The following SLC16A4 variants were observed in gnomAD, a reference collection of about 807,000 sequenced individuals.
SLC16A4 encodes the protein solute carrier family 16 member 4.
A neutral mutation model predicts 47.9 loss-of-function variants in SLC16A4; 39 were observed. The ratio of observed to expected loss-of-function variants is 0.81; its 90% CI spans 0.63 to 1.06. The LOEUF (loss-of-function observed/expected upper bound fraction) is 1.06, where lower values mean the gene tolerates loss of function less well. SLC16A4 is among the 50% of genes least tolerant of loss of function. The pLI is 0.00. For synonymous variants in SLC16A4, 189 were observed against 199.9 expected, an observed-to-expected ratio of 0.95 and a Z score of 0.46; for missense variants, 524 against 573.8, an observed-to-expected ratio of 0.91 and a Z score of 0.89.
Position 110,376,985 on chromosome 1 carries a change from C to T in SLC16A4, c.1207G>A (p.Ala403Thr), listed in dbSNP as rs1224227217. The change falls in exon 7 of 9, where the codon GCT becomes ACT. Residue 403 changes from alanine to threonine, a missense_variant. Transcript: ENST00000369779. ...AGTATCAATGCCAGGTAACCACCAG[C>T]AAAGATGGCAAAGCAGATGGTGTAG... Reference protein sequence around the residue: ...MTYTICFAIFAGGYLALILPV... With the variant: ...MTYTICFAIFTGGYLALILPV... The T allele has an allele frequency of 1.9e-6, 3 of 1,613,894 alleles. No individual in the cohort carries two copies. Among genetic ancestry groups the T allele is most frequent in the Non-Finnish European group, 2.5e-6 (3 of 1,179,960 alleles).
intron 3 of SLC16A4, among the ~76,000 whole-genome samples, chr1:110,382,551 C>T (rs1662465332): frequency 6.6e-6 from 1 of 152,092 alleles, no homozygotes. Flanking sequence ...ACTCATTGAA[C>T]CTATATTAAG....
In SLC16A4 at chr1:110,389,331, C is replaced by G. The variant is rs1166329523; in HGVS notation, c.-8G>C. 6.3e-7 allele frequency: 1 copy of G among 1,599,162 alleles called. No homozygotes were observed. Among genetic ancestry groups the G allele is most frequent in the African/African-American group, 1.3e-5 (1 of 74,612 alleles). On this transcript the variant is annotated 5_prime_UTR_variant, in exon 2 of 9. Transcript: ENST00000369779. Reference sequence around the variant, plus strand: ...CCCCTCCCTCTTCAGCATGATGCCTCTTCTATTTTAAATGCAGAAGATCCC... The same window carrying G: ...CCCCTCCCTCTTCAGCATGATGCCTGTTCTATTTTAAATGCAGAAGATCCC...
chr1:110,380,527 T>C (rs1276311770), intron 5 of SLC16A4, among the ~76,000 whole-genome samples: 1 of 152,008 alleles, frequency 6.6e-6, no homozygotes, highest in African/African-American at 2.4e-5. Context: ...AAAGTATTTG[T>C]TTCTTTTTTA....
intron 5 of SLC16A4, among the ~76,000 whole-genome samples, chr1:110,380,073 A>AAAAAAAAAAAAAAAAAAAAAAAAAAAAAG (rs56111977): frequency 6.7e-6 from 1 of 150,368 alleles, no homozygotes; most frequent in South Asian, 2.1e-4. Flanking sequence ...AAAAAAAAAA[A>AAAAAAAAAAAAAAAAAAAAAAAAAAAAAG]GCAGCGGGAG....
chr1:110,364,691 A>G (rs1403604104), intron 8 of SLC16A4, among the ~76,000 whole-genome samples: 1 of 151,834 alleles, frequency 6.6e-6, no homozygotes, highest in East Asian at 1.9e-4. Flanking sequence ...TTGTGTTTTT[A>G]GTAGAGACGG....
At chr1:110,387,383 T>G (rs1442975549) in intron 2 of SLC16A4, among the ~76,000 whole-genome samples, 1 of 152,184 alleles carries the variant, frequency 6.6e-6, no homozygotes, top group South Asian at 2.1e-4. Flanking sequence ...CAAAGAACAT[T>G]GTTATTTTTC....
At chr1:110,364,089 T>C (rs1485254337) in intron 8 of SLC16A4, among the ~76,000 whole-genome samples, 196 bp from the exon 9 acceptor site, 1 of 152,180 alleles carries the variant, frequency 6.6e-6, no homozygotes, top group African/African-American at 2.4e-5. Flanking sequence ...CCATCTCCAA[T>C]CTTACAGTGG....
chr1:110,363,822 A>G lies in SLC16A4; in HGVS notation c.1408T>C (p.Ser470Pro). Residue 470 changes from serine (S) to proline (P), a missense_variant, in exon 9 of 9, where the codon TCA becomes CCA. By Grantham distance (74) the Ser-to-Pro change is moderately conservative. Transcript: ENST00000369779. ...AATGGTACAAAAAAAAAGGAAACTGAAGAGAGGAGATAGCATATGCCAGAG... is the reference window on the plus strand; with the variant it reads ...AATGGTACAAAAAAAAAGGAAACTGGAGAGAGGAGATAGCATATGCCAGAG... ...YFSGICYLLS[S>P]VSFFFVPLAE... is the part of the protein sequence containing the mutation. 1 of 1,613,048 alleles carries G rather than the reference A, an allele frequency of 6.2e-7. No individual in the cohort carries two copies. The highest frequency in any genetic ancestry group is 8.5e-7 in the Non-Finnish European group (1 of 1,179,602).
Position 110,379,359 on chromosome 1 carries a change from A to G in SLC16A4, c.527-3T>C, listed in dbSNP as rs1349004073. 1 of 1,589,122 alleles carries G rather than the reference A, an allele frequency of 6.3e-7. No individual in the cohort carries two copies. The highest frequency in any genetic ancestry group is 2.3e-5 in the East Asian group (1 of 44,384). On this transcript the variant is annotated splice_region_variant and splice_polypyrimidine_tract_variant and intron_variant, in intron 5 of 8. Transcript: ENST00000369779. ...AGCTCCAAATAATATAAGGGCTCCT[A>G]AATAGGGAGAGATTGAGCAATTAAA...
chr1:110,386,040 G>A (rs1329031892), intron 2 of SLC16A4, among the ~76,000 whole-genome samples: 4 of 152,160 alleles, frequency 2.6e-5, no homozygotes, highest in South Asian at 2.1e-4. Context: ...TTCTATGGAC[G>A]TGGGTTCTGT....
At chr1:110,383,008 A>G (rs546104697) in intron 2 of SLC16A4, 42 bp from the exon 3 acceptor site, 54 of 1,526,750 alleles carry the variant, frequency 3.5e-5, no homozygotes, top group Non-Finnish European at 4.7e-5. Context: ...GTGGTAAGTG[A>G]GCCATTACAG....
At chr1:110,368,719 G>A (rs1327930705) in intron 8 of SLC16A4, among the ~76,000 whole-genome samples, 1 of 151,992 alleles carries the variant, frequency 6.6e-6, no homozygotes, top group East Asian at 1.9e-4. Context: ...AAATACTGGT[G>A]CAAACCATTT....
chr1:110,370,950 C>T (rs1391133563), intron 8 of SLC16A4: 1 of 152,142 alleles, frequency 6.6e-6, no homozygotes, highest in Non-Finnish European at 1.5e-5. Context: ...TCTAATAATT[C>T]ACAGTTGTAG....
intron 8 of SLC16A4, among the ~76,000 whole-genome samples, chr1:110,374,009 A>ATATATATATATATATATATCTCCT (rs766941005): frequency 6.7e-6 from 1 of 150,356 alleles, no homozygotes; most frequent in Non-Finnish European, 1.5e-5. Flanking sequence ...TCCTTAGTTT[A>ATATATATATATATATATATCTCCT]TAGTCTCCTT....
chr1:110,365,028 T>A (rs1661304261), intron 8 of SLC16A4, among the ~76,000 whole-genome samples: 1 of 152,128 alleles, frequency 6.6e-6, no homozygotes, highest in African/African-American at 2.4e-5. Context: ...TTTGGCCTCC[T>A]GGACTTCCTA....
At chr1:110,383,540 G>A (rs1662546469) in intron 2 of SLC16A4, among the ~76,000 whole-genome samples, 1 of 152,118 alleles carries the variant, frequency 6.6e-6, no homozygotes, top group African/African-American at 2.4e-5. Flanking sequence ...AACCAGATGA[G>A]CCAGTTTATT....
At chr1:110,369,347 C>G (rs1025245745) in intron 8 of SLC16A4, among the ~76,000 whole-genome samples, 3 of 151,980 alleles carry the variant, frequency 2.0e-5, no homozygotes, top group African/African-American at 7.2e-5. Flanking sequence ...CACCTGTAAT[C>G]CCAGCACTTT....
intron 8 of SLC16A4, among the ~76,000 whole-genome samples, chr1:110,367,902 C>T (rs1442153435): frequency 2.6e-5 from 4 of 152,148 alleles, no homozygotes; most frequent in Non-Finnish European, 4.4e-5. Flanking sequence ...AATCTCCACT[C>T]ACTCCCAGCT....
intron 8 of SLC16A4, chr1:110,371,575 G>A (rs775444750): frequency 2.6e-5 from 4 of 152,144 alleles, no homozygotes; most frequent in South Asian, 2.1e-4. Flanking sequence ...GAGAAATAAG[G>A]CTTAAAATAT....
Sources: gnomAD v4.1 joint callset for allele counts (sites outside exome capture counted in the v4.1 genomes callset) on GRCh38, gnomAD v4.1.1 for gene constraint, MANE v1.5 for transcripts, NCBI Gene and HGNC (gene_info 2026-07-23, HGNC 2026-07-21) for gene names.